Variants in NUP188 observed in about 807,000 individuals in gnomAD.
NUP188 encodes the protein nucleoporin NUP188.
A neutral mutation model predicts 223.0 loss-of-function variants in NUP188; 97 were observed. That is an observed-to-expected ratio of 0.43 (90% confidence interval 0.37 to 0.51). NUP188 has a LOEUF of 0.51. Ranked by LOEUF, NUP188 falls within the 20% of genes least tolerant of loss-of-function variation. The pLI is 0.00. For synonymous variants in NUP188, 869 were observed against 828.0 expected (o/e 1.05, Z -0.85); for missense variants, 1,947 against 2,175.6 (o/e 0.89, Z 2.09).
intron 9 of NUP188, 119 bp downstream of exon 9, chr9:128,968,836 T>G: frequency 1.4e-6 from 1 of 712,448 alleles, no homozygotes; most frequent in Non-Finnish European, 2.4e-6. Flanking sequence ...GAAATAGGTC[T>G]ACTGCCACGT....
intron 34 of NUP188, 114 bp from the exon 35 acceptor site, chr9:129,001,415 C>A (rs1321334577): frequency 1.2e-6 from 1 of 855,502 alleles, no homozygotes; most frequent in African/African-American, 1.6e-5. Context: ...CTCAAGCTCA[C>A]TTAGCAATGT....
chr9:128,960,472 G>C (rs1200312265), intron 8 of NUP188, among the ~76,000 whole-genome samples: 1 of 152,002 alleles, frequency 6.6e-6, no homozygotes, highest in Non-Finnish European at 1.5e-5. Flanking sequence ...CAAAAACACA[G>C]CTACTTAAAA....
rs572342757 is a variant in NUP188 at position 129,003,280 on chromosome 9, C to T, written c.4297-37C>T. 3.8e-6 allele frequency: 6 copies of T among 1,583,562 alleles called. No homozygotes were observed. The African/African-American group carries it at 4.1e-5, about 11-fold the overall frequency. On this transcript the variant is annotated intron_variant, in intron 37 of 43. Transcript: ENST00000372577. The stretch of plus-strand genomic sequence containing the variant: ...GTGTGGGTATGTCAGGTCCCTCAGC[C>T]ATCCCCATCTTTCCCTGATGTGTGC...
intron 7 of NUP188, 27 bp from the exon 8 acceptor site, chr9:128,958,988 A>G (rs773948211): frequency 2.0e-6 from 3 of 1,477,206 alleles, no homozygotes; most frequent in Non-Finnish European, 2.8e-6. Flanking sequence ...TATTCTAGGT[A>G]TAATTTACTC....
chr9:128,972,048 A>G (rs1340414152), intron 11 of NUP188, among the ~76,000 whole-genome samples: 1 of 152,224 alleles, frequency 6.6e-6, no homozygotes, highest in Non-Finnish European at 1.5e-5. Flanking sequence ...CTGGGATTAC[A>G]GGTGTGAGCC....
At chr9:128,977,502 A>T (rs1216783498) in intron 12 of NUP188, among the ~76,000 whole-genome samples, 2 of 152,174 alleles carry the variant, frequency 1.3e-5, no homozygotes, top group African/African-American at 4.8e-5. Flanking sequence ...AGCGCTAAGG[A>T]TAAAACAATT....
chr9:128,958,698 T>G (rs1408809983), intron 6 of NUP188, 104 bp from the exon 7 acceptor site: 1 of 518,486 alleles, frequency 1.9e-6, no homozygotes, highest in African/African-American at 1.9e-5. Flanking sequence ...TTATATAAAT[T>G]GAACTTTTCC....
At position 128,959,071 on chromosome 9, in the gene NUP188, A is replaced by G; in HGVS notation, c.522A>G (p.Arg174=). The stretch of plus-strand genomic sequence containing the variant: ...AGAAGGAACTAGTTTCAAAATACAG[A>G]CAGCAGTTCGAAGAGCTTTATAAAA... ...KLEKELVSKY[R]QQFEELYKTE... Residue 174 remains arginine, a synonymous_variant, in exon 8 of 44, where the codon AGA becomes AGG. Transcript: ENST00000372577. 6.2e-7 allele frequency: 1 copy of G among 1,603,580 alleles called. No homozygotes were observed. Among genetic ancestry groups the G allele is most frequent in the South Asian group, 1.1e-5 (1 of 89,152 alleles).
intron 6 of NUP188, among the ~76,000 whole-genome samples, chr9:128,958,297 T>C (rs1047543648): frequency 6.6e-6 from 1 of 152,234 alleles, no homozygotes; most frequent in African/African-American, 2.4e-5. Flanking sequence ...ATTTTTTCTT[T>C]AGGTGTAAGT....
Position 128,983,325 on chromosome 9 carries a change from T to A in NUP188, c.1829T>A (p.Val610Asp), listed in dbSNP as rs758094648. 1.1e-5 allele frequency: 17 copies of A among 1,614,192 alleles called. No individual in the cohort carries two copies. In the South Asian group the frequency reaches 1.8e-4, roughly 17 times the overall value. The change falls in exon 18 of 44, where the codon GTC (valine) becomes GAC (aspartate). Residue 610 changes from valine to aspartate, a missense_variant. Transcript: ENST00000372577. ...LTTVISPPVD[V>D]IASCVNCLTV... ...ACAGTGATCTCCCCACCTGTGGATG[T>A]CATTGCTTCTTGTGTCAACTGCTTA...
chr9:128,957,174 G>A (rs947846572), intron 5 of NUP188, 142 bp downstream of exon 5: 6 of 557,326 alleles, frequency 1.1e-5, no homozygotes, highest in African/African-American at 9.6e-5. Context: ...CCTACTAAAG[G>A]CTTTAAAAAA....
At chr9:128,967,968 G>T (rs1842054411) in intron 8 of NUP188, among the ~76,000 whole-genome samples, 1 of 151,702 alleles carries the variant, frequency 6.6e-6, no homozygotes, top group South Asian at 2.1e-4. Context: ...CAAAAGAAAA[G>T]ATACATTGGT....
chr9:129,003,074 C>A, intron 37 of NUP188, 99 bp downstream of exon 37: 1 of 1,370,562 alleles, frequency 7.3e-7, no homozygotes, highest in Non-Finnish European at 9.9e-7. Context: ...GCCTCAGTAG[C>A]GGAGGGTTGT....
rs113796789 is a variant in NUP188 at position 128,948,062 on chromosome 9, C to T, written c.32+311C>T. The stretch of plus-strand genomic sequence containing the variant: ...CGCGTCTCTTGGCGCCCCACCCGCG[C>T]TTCCTTCTCCGGCCGTGACGCTCCC... On this transcript the variant is annotated intron_variant, in intron 1 of 43. Transcript: ENST00000372577. The T allele has an allele frequency of 0.012, 3,568 of 296,164 alleles. 134 individuals carry two copies. Among genetic ancestry groups the T allele is most frequent in the African/African-American group, 0.072 (3,303 of 46,040 alleles). 18.3% of individuals were successfully genotyped at this position (296,164 alleles called of 1,614,324 possible).
chr9:128,985,995 C>T lies in NUP188; in HGVS notation c.2077-563C>T, dbSNP rs545756116. Among the ~76,000 whole-genome samples the T allele has an allele frequency of 2.4e-3, 363 of 152,110 alleles. 3 individuals carry two copies. Among genetic ancestry groups the T allele is most frequent in the African/African-American group, 8.1e-3 (337 of 41,484 alleles). ...CGGAGGTTGCAGCGAGTCGAGATCA[C>T]GCCATTGCACTCCAGCCTAGGTGCC... On this transcript the variant is annotated intron_variant, in intron 20 of 43. Transcript: ENST00000372577.
intron 19 of NUP188, among the ~76,000 whole-genome samples, 162 bp downstream of exon 19, chr9:128,983,712 C>T (rs532322750): frequency 1.9e-4 from 29 of 152,286 alleles, no homozygotes; most frequent in African/African-American, 7.0e-4. Flanking sequence ...GTGGTGCAGC[C>T]TCCGCCTCCC....
Position 128,987,676 on chromosome 9 carries a change from C to T in NUP188, c.2352C>T (p.Gly784=). ...GQTVINIMGI[G]VDTIDMVMAA... is the part of the protein sequence containing the mutation. ...CAGTTATCAATATCATGGGCATTGG[C>T]GTGGACACCATTGACATGGTGATGG... The change falls in exon 23 of 44, where the codon GGC becomes GGT. Residue 784 remains glycine, a synonymous_variant. Coordinates refer to ENST00000372577, the MANE Select transcript of NUP188 (RefSeq NM_015354.3). 1.9e-6 allele frequency: 3 copies of T among 1,613,976 alleles called. No homozygotes were observed. The highest frequency in any genetic ancestry group is 2.2e-5 in the East Asian group (1 of 44,874).
At chr9:128,994,743 G>C in intron 28 of NUP188, 113 bp from the exon 29 acceptor site, 1 of 878,636 alleles carries the variant, frequency 1.1e-6, no homozygotes. Context: ...TTCAACAGGG[G>C]TTGTGCTAAC....
At chr9:128,982,781 C>A in intron 16 of NUP188, 80 bp downstream of exon 16, 1 of 1,585,608 alleles carries the variant, frequency 6.3e-7, no homozygotes, top group Non-Finnish European at 8.6e-7. Context: ...AGAATATCTA[C>A]ATAAAATTTA....
Sources: allele counts gnomAD v4.1 joint callset (sites outside exome capture counted in the v4.1 genomes callset), GRCh38; gene constraint gnomAD v4.1.1; transcripts MANE v1.5; gene names NCBI Gene and HGNC (gene_info 2026-07-23, HGNC 2026-07-21).